The following ANTXR1 variants were observed in gnomAD, a reference collection of about 807,000 sequenced individuals.
ANTXR1 encodes the protein ANTXR cell adhesion molecule 1, also known as anthrax toxin receptor 1.
Under a neutral mutation model 78.1 loss-of-function variants are expected in ANTXR1, and 19 were observed. That is an observed-to-expected ratio of 0.24 (90% confidence interval 0.17 to 0.36). The LOEUF (loss-of-function observed/expected upper bound fraction) is 0.36, where lower values mean the gene tolerates loss of function less well. Among genes scored for constraint, ANTXR1 ranks in the 10% least tolerant of loss-of-function variants. The probability of loss-of-function intolerance (pLI) is 1.00; values close to 1 mark genes in which losing one functional copy is unlikely to be tolerated. For synonymous variants in ANTXR1, 273 were observed against 260.5 expected (o/e 1.05, Z -0.46); for missense variants, 518 against 718.6 (o/e 0.72, Z 3.19).
At chr2:69,159,232 T>C (rs1673612785) in intron 13 of ANTXR1, among the ~76,000 whole-genome samples, 1 of 152,120 alleles carries the variant, frequency 6.6e-6, no homozygotes. Flanking sequence ...AGGTTAATGG[T>C]ATATGAGAAA....
At chr2:69,083,697 T>C (rs1670962253) in intron 8 of ANTXR1, among the ~76,000 whole-genome samples, 1 of 152,202 alleles carries the variant, frequency 6.6e-6, no homozygotes, top group Non-Finnish European at 1.5e-5. Context: ...AGGGAAGACC[T>C]ACACTGCACA....
intron 16 of ANTXR1, among the ~76,000 whole-genome samples, chr2:69,187,936 C>T (rs1429920214): frequency 6.7e-6 from 1 of 149,898 alleles, no homozygotes. Flanking sequence ...TTTATAGTGG[C>T]CTTATAAGTT....
At chr2:69,079,026 C>T (rs1670821496) in intron 8 of ANTXR1, among the ~76,000 whole-genome samples, 1 of 152,016 alleles carries the variant, frequency 6.6e-6, no homozygotes, top group South Asian at 2.1e-4. Context: ...TACAGAATTG[C>T]AAAAATTCAT....
intron 15 of ANTXR1, 65 bp downstream of exon 15, chr2:69,181,946 G>A (rs1267469622): frequency 2.6e-6 from 4 of 1,511,006 alleles, no homozygotes; most frequent in African/African-American, 2.7e-5. Flanking sequence ...TACCAGCCGG[G>A]CCTGACCCTG....
chr2:69,240,718 T>C (rs1032571783), intron 17 of ANTXR1, among the ~76,000 whole-genome samples: 1 of 152,188 alleles, frequency 6.6e-6, no homozygotes, highest in Non-Finnish European at 1.5e-5. Flanking sequence ...AGAGGATGAG[T>C]TCCTGAGGCA....
intron 13 of ANTXR1, among the ~76,000 whole-genome samples, chr2:69,162,953 A>T (rs749078427): frequency 2.6e-5 from 4 of 152,120 alleles, no homozygotes; most frequent in African/African-American, 9.7e-5. Context: ...GGTTTTTGCC[A>T]TTGAAAGGAA....
intron 13 of ANTXR1, among the ~76,000 whole-genome samples, chr2:69,161,693 C>T (rs966291589): frequency 6.6e-6 from 1 of 152,186 alleles, no homozygotes; most frequent in Non-Finnish European, 1.5e-5. Flanking sequence ...AGAATACTTA[C>T]AAGGTTTGGG....
intron 1 of ANTXR1, among the ~76,000 whole-genome samples, chr2:69,035,415 T>C (rs532374949): frequency 6.6e-6 from 1 of 152,304 alleles, no homozygotes; most frequent in East Asian, 1.9e-4. Context: ...AATGCCTGCA[T>C]GTGTGGGTTA....
At chr2:69,233,501 TTC>T (rs1199790447) in intron 17 of ANTXR1, among the ~76,000 whole-genome samples, 1 of 151,926 alleles carries the variant, frequency 6.6e-6, no homozygotes, top group African/African-American at 2.4e-5. Flanking sequence ...ATCAAAAAGA[TTC>T]TGATAGAATT....
intron 10 of ANTXR1, among the ~76,000 whole-genome samples, chr2:69,118,108 G>A (rs925815553): frequency 2.6e-5 from 4 of 152,092 alleles, no homozygotes; most frequent in Non-Finnish European, 5.9e-5. Flanking sequence ...TATATTTCAA[G>A]ATCATCTAAG....
chr2:69,082,842 TCAGGC>T (rs1670938423), intron 8 of ANTXR1, among the ~76,000 whole-genome samples: 1 of 152,220 alleles, frequency 6.6e-6, no homozygotes, highest in Non-Finnish European at 1.5e-5. Flanking sequence ...TAAGCCGACA[TCAGGC>T]TTCCTGTTAA....
rs765830683 is a variant in ANTXR1, at chr2:69,124,592, C to G, written c.900C>G (p.Asn300Lys). The G allele has an allele frequency of 6.2e-7, 1 of 1,614,224 alleles. No homozygotes were observed. ...GMKAALQVSM[N>K]DGLSFISSSV... The stretch of plus-strand genomic sequence containing the variant: ...AAGCTGCACTCCAGGTCAGCATGAA[C>G]GATGGCCTCTCTTTTATCTCCAGTT... The change falls in exon 12 of 18, where the codon AAC becomes AAG. Residue 300 changes from asparagine to lysine, a missense_variant. By Grantham distance (94) the Asn-to-Lys change is moderately conservative (BLOSUM62 0). Coordinates refer to ENST00000303714, the MANE Select transcript of ANTXR1 (RefSeq NM_032208.3).
chr2:69,087,587 C>T (rs1671093896), intron 8 of ANTXR1, among the ~76,000 whole-genome samples: 1 of 152,204 alleles, frequency 6.6e-6, no homozygotes, highest in African/African-American at 2.4e-5. Flanking sequence ...TGGGATTATA[C>T]TTGAGGCATG....
chr2:69,164,970 A>G (rs978328341), intron 13 of ANTXR1, among the ~76,000 whole-genome samples: 2 of 152,226 alleles, frequency 1.3e-5, no homozygotes, highest in African/African-American at 4.8e-5. Flanking sequence ...TAGCCCCTGC[A>G]TATCTGACAG....
chr2:69,145,644 T>A, intron 12 of ANTXR1: 1 of 1,223,172 alleles, frequency 8.2e-7, no homozygotes. Context: ...TCAGGCAGAA[T>A]CCTGGTGCAG....
intron 17 of ANTXR1, among the ~76,000 whole-genome samples, chr2:69,216,233 C>T (rs112289006): frequency 1.3e-5 from 2 of 152,204 alleles, no homozygotes; most frequent in African/African-American, 4.8e-5. Context: ...GGCTTCCAAA[C>T]ATTTTTGAGC....
chr2:69,122,693 CA>C (rs1463774979), intron 10 of ANTXR1, among the ~76,000 whole-genome samples: 1 of 152,094 alleles, frequency 6.6e-6, no homozygotes. Context: ...GTGCTGCACC[CA>C]TTAACTCGTC....
At chr2:69,146,330 GTTAAAA>G (rs1558598287) in intron 12 of ANTXR1, 2 of 985,186 alleles carry the variant, frequency 2.0e-6, no homozygotes, top group Middle Eastern at 5.2e-4. Flanking sequence ...TGTTAAAATT[GTTAAAA>G]TTAAAGGCCA....
intron 10 of ANTXR1, among the ~76,000 whole-genome samples, chr2:69,107,634 G>A (rs1302684237): frequency 6.6e-6 from 1 of 151,814 alleles, no homozygotes; most frequent in East Asian, 1.9e-4. Context: ...CAATATTTGA[G>A]ATCAAGCTCG....
Sources: allele counts gnomAD v4.1 joint callset (sites outside exome capture counted in the v4.1 genomes callset), GRCh38; gene constraint gnomAD v4.1.1; transcripts MANE v1.5; gene names NCBI Gene and HGNC (gene_info 2026-07-23, HGNC 2026-07-21).